ZNF569: variants seen among roughly 807,000 people sequenced by gnomAD.
ZNF569 encodes DNA-binding protein.
In ZNF569, 38 loss-of-function variants were observed where a neutral mutation model predicts 56.3. The observed-to-expected ratio is 0.68, with a 90% confidence interval of 0.52 to 0.88. The LOEUF (loss-of-function observed/expected upper bound fraction) is 0.88, where lower values mean the gene tolerates loss of function less well. Ranked by LOEUF, ZNF569 falls within the 40% of genes least tolerant of loss-of-function variation. The pLI is 0.00. For missense variants in ZNF569, 666 were observed against 809.2 expected (o/e 0.82, Z 2.15); for synonymous variants, 241 against 262.9 (o/e 0.92, Z 0.81).
upstream of ZNF569, chr19:37,468,069 G>A: frequency 1.5e-6 from 1 of 668,754 alleles, no homozygotes; most frequent in South Asian, 2.0e-5. Context: ...TATGCCTTTC[G>A]TGTTTTTTTT....
chr19:37,444,478 G>A (rs958226048), intron 3 of ZNF569, among the ~76,000 whole-genome samples: 2 of 151,966 alleles, frequency 1.3e-5, no homozygotes, highest in Admixed American at 6.6e-5. Flanking sequence ...CTAATGCTGG[G>A]CTATTTTGAT....
chr19:37,445,821 T>A (rs1033304717), intron 2 of ZNF569, among the ~76,000 whole-genome samples: 3 of 151,952 alleles, frequency 2.0e-5, no homozygotes, highest in African/African-American at 7.3e-5. Context: ...TGGAAACACA[T>A]CCCGTGCTCA....
At position 37,414,106 on chromosome 19, in the gene ZNF569, G is replaced by A. The variant is rs765677984; in HGVS notation, c.552C>T (p.Thr184=). The A allele has an allele frequency of 3.1e-6, 5 of 1,613,608 alleles. No homozygotes were observed. In the African/African-American group the frequency reaches 5.3e-5, roughly 17 times the overall value. Residue 184 remains threonine (T), a synonymous_variant, in exon 6 of 6, where the codon ACC becomes ACT. Transcript: ENST00000316950. The stretch of plus-strand genomic sequence containing the variant: ...TTCCACAATGATTACACTTAAAGGG[G>A]GTAATGACAAAATGGGATGAGCTAT... ...YGNSSSHFVI[T]PFKCNHCGKG...
chr19:37,463,473 TAC>T (rs1281874285), intron 2 of ZNF569, among the ~76,000 whole-genome samples: 2 of 152,354 alleles, frequency 1.3e-5, no homozygotes, highest in East Asian at 3.9e-4. Context: ...GTATAGCACA[TAC>T]AGTTGTGTAT....
chr19:37,463,334 ACATCATAGC>A (rs1226864041), intron 2 of ZNF569, among the ~76,000 whole-genome samples: 1 of 152,208 alleles, frequency 6.6e-6, no homozygotes, highest in African/African-American at 2.4e-5. Context: ...TCACCTAGTG[ACATCATAGC>A]CATCATAACA....
chr19:37,424,385 G>A (rs994181378), intron 5 of ZNF569, among the ~76,000 whole-genome samples: 2 of 152,062 alleles, frequency 1.3e-5, no homozygotes, highest in African/African-American at 4.8e-5. Flanking sequence ...TATTAGGAAA[G>A]GTTGGTATCT....
At chr19:37,419,167 C>T (rs1246844798) in intron 5 of ZNF569, among the ~76,000 whole-genome samples, 1 of 152,036 alleles carries the variant, frequency 6.6e-6, no homozygotes, top group Non-Finnish European at 1.5e-5. Flanking sequence ...CTTATAGATG[C>T]TGGATATTAG....
chr19:37,428,809 G>A (rs942260924), intron 3 of ZNF569, among the ~76,000 whole-genome samples: 1 of 151,702 alleles, frequency 6.6e-6, no homozygotes, highest in Non-Finnish European at 1.5e-5. Context: ...CAAATAGCTA[G>A]AACTACAGGC....
chr19:37,438,798 A>G (rs1166921889), intron 3 of ZNF569, among the ~76,000 whole-genome samples: 4 of 152,208 alleles, frequency 2.6e-5, no homozygotes, highest in African/African-American at 9.6e-5. Flanking sequence ...GAAACAATCA[A>G]CAAAGTGAAG....
rs1222814285 is a variant in ZNF569, at chr19:37,411,189, C to A, written c.*1408G>T. On this transcript the variant is annotated 3_prime_UTR_variant, in exon 6 of 6. Coordinates refer to ENST00000316950, the MANE Select transcript of ZNF569 (RefSeq NM_152484.3). ...TCACTCTTTTATTAAAGAAATATTA[C>A]AGATAAATATAACAACTCCCACCAA... is the stretch of plus-strand genomic sequence containing the variant. The A allele has an allele frequency of 2.0e-5, 3 of 152,106 alleles. No homozygotes were observed. Among genetic ancestry groups the A allele is most frequent in the Non-Finnish European group, 4.4e-5 (3 of 68,000 alleles). 9.4% of individuals were successfully genotyped at this position (152,106 alleles called of 1,614,324 possible). A position where few individuals can be genotyped will look rare whatever the true frequency, so the allele number is the denominator to read the frequency against.
At chr19:37,465,908 C>T (rs926498829) in intron 1 of ZNF569, among the ~76,000 whole-genome samples, 3 of 152,084 alleles carry the variant, frequency 2.0e-5, no homozygotes, top group African/African-American at 7.2e-5. Flanking sequence ...CAGGGGTAAA[C>T]GTATACCATG....
chr19:37,417,666 A>T (rs779862396), intron 5 of ZNF569, among the ~76,000 whole-genome samples: 1 of 152,256 alleles, frequency 6.6e-6, no homozygotes, highest in Non-Finnish European at 1.5e-5. Flanking sequence ...TAAAGATGAC[A>T]TTCGTAAGTT....
intron 2 of ZNF569, chr19:37,454,700 A>G: frequency 1.7e-6 from 1 of 592,126 alleles, no homozygotes; most frequent in Non-Finnish European, 3.0e-6. Context: ...TGGGATTCCC[A>G]GAGGAAAAGC....
intron 2 of ZNF569, among the ~76,000 whole-genome samples, chr19:37,446,246 A>C (rs2041491717): frequency 6.6e-6 from 1 of 152,156 alleles, no homozygotes; most frequent in Admixed American, 6.5e-5. Context: ...TTGGCAAGCC[A>C]TATGTAGAAG....
intron 2 of ZNF569, among the ~76,000 whole-genome samples, chr19:37,456,818 A>T (rs2041677241): frequency 6.6e-6 from 1 of 152,062 alleles, no homozygotes; most frequent in South Asian, 2.1e-4. Flanking sequence ...AATACAAAAA[A>T]TTAGCTGGGC....
intron 3 of ZNF569, among the ~76,000 whole-genome samples, chr19:37,433,906 T>A (rs2041265112): frequency 6.6e-6 from 1 of 152,180 alleles, no homozygotes; most frequent in Non-Finnish European, 1.5e-5. Flanking sequence ...TAAGAAATCA[T>A]GTGAAAGTAC....
chr19:37,434,077 C>T (rs1400849588), intron 3 of ZNF569, among the ~76,000 whole-genome samples: 2 of 152,066 alleles, frequency 1.3e-5, no homozygotes, highest in Admixed American at 6.5e-5. Flanking sequence ...CTGAGGTGGG[C>T]AGATCACGAG....
At chr19:37,444,851 C>A in intron 3 of ZNF569, 56 bp downstream of exon 3, 1 of 1,345,574 alleles carries the variant, frequency 7.4e-7, no homozygotes, top group African/African-American at 1.5e-5. Context: ...TACTGCAATC[C>A]CCTTAAATTG....
chr19:37,463,385 G>A (rs1328418251), intron 2 of ZNF569, among the ~76,000 whole-genome samples: 3 of 152,078 alleles, frequency 2.0e-5, no homozygotes, highest in Non-Finnish European at 4.4e-5. Flanking sequence ...ACGTAACCTA[G>A]GTTTATATAA....
Sources: allele counts gnomAD v4.1 joint callset (sites outside exome capture counted in the v4.1 genomes callset), GRCh38; gene constraint gnomAD v4.1.1; transcripts MANE v1.5; gene names NCBI Gene and HGNC (gene_info 2026-07-23, HGNC 2026-07-21).